The following ZNF692 variants were observed in gnomAD, a reference collection of about 807,000 sequenced individuals.
ZNF692 encodes AICAR responsive element binding protein.
In ZNF692, 41 loss-of-function variants were observed where a neutral mutation model predicts 49.0. The ratio of observed to expected loss-of-function variants is 0.84; its 90% CI spans 0.65 to 1.08. The LOEUF (loss-of-function observed/expected upper bound fraction) is 1.08, where lower values mean the gene tolerates loss of function less well. ZNF692 is among the 50% of genes least tolerant of loss of function. The pLI, the probability that ZNF692 is intolerant of heterozygous loss-of-function variation, is 0.00. For synonymous variants in ZNF692, 288 were observed against 251.5 expected (o/e 1.15, Z -1.37); for missense variants, 662 against 662.2 (o/e 1.00, Z 0.00).
chr1:248,856,551 C>T lies in ZNF692; in HGVS notation c.487G>A (p.Glu163Lys). The part of the protein sequence containing the change: ...SGQELADLES[E>K]HDERTQEARL... ...GCCTCTTGAGTCCTCTCATCATGCTCAGATTCCAAATCTGTGGGACAGGCA... is the reference window on the plus strand; with the variant it reads ...GCCTCTTGAGTCCTCTCATCATGCTTAGATTCCAAATCTGTGGGACAGGCA... Residue 163 changes from glutamate (E) to lysine (K), a missense_variant, in exon 5 of 12, where the codon GAG becomes AAG. Glu to Lys is a moderately conservative substitution (Grantham distance 56, BLOSUM62 1). Transcript: ENST00000306601. The T allele has an allele frequency of 1.2e-6, 2 of 1,614,176 alleles. No homozygotes were observed. Among genetic ancestry groups the T allele is most frequent in the Non-Finnish European group, 1.7e-6 (2 of 1,180,042 alleles).
chr1:248,857,721 C>T, intron 3 of ZNF692, 107 bp downstream of exon 3: 1 of 1,524,494 alleles, frequency 6.6e-7, no homozygotes, highest in Non-Finnish European at 8.8e-7. Flanking sequence ...CAACTCACCC[C>T]ACCCTTCCCA....
chr1:248,853,377 CACTT>C (rs1417685181), intron 10 of ZNF692, among the ~76,000 whole-genome samples: 3 of 152,358 alleles, frequency 2.0e-5, no homozygotes, highest in African/African-American at 4.8e-5. Flanking sequence ...GCACCCATCT[CACTT>C]AAAGCAGATG....
At position 248,858,488 on chromosome 1, in the gene ZNF692, C is replaced by G. The variant is rs778951254; in HGVS notation, c.-12-167G>C. ...AGCCAAACCCCGTCCTTCTATGATA[C>G]AGGGTGTTGAAGCTCAGCGCTACCA... On this transcript the variant is annotated intron_variant, in intron 1 of 11. Transcript: ENST00000306601. This position sits in a 1 kb window ranked among gnomAD's most constrained non-coding sequence, Gnocchi z 4.3. 3.9e-6 allele frequency: 6 copies of G among 1,551,724 alleles called. No homozygotes were observed. The South Asian group carries it at 7.1e-5, about 18-fold the overall frequency.
intron 5 of ZNF692, 39 bp from the exon 6 acceptor site, chr1:248,856,461 C>T: frequency 2.5e-6 from 4 of 1,614,246 alleles, no homozygotes; most frequent in Non-Finnish European, 3.4e-6. Flanking sequence ...GTCCTGCTCC[C>T]TCATCCTCCC....
chr1:248,857,425 C>T lies in ZNF692; in HGVS notation c.284G>A (p.Ser95Asn), dbSNP rs747637311. 6.2e-7 allele frequency: 1 copy of T among 1,614,152 alleles called. No homozygotes were observed. The highest frequency in any genetic ancestry group is 2.2e-5 in the East Asian group (1 of 44,870). The change falls in exon 4 of 12, where the codon AGC (serine) becomes AAC (asparagine). Residue 95 changes from serine (S) to asparagine (N), a missense_variant. Ser to Asn is a conservative substitution (Grantham distance 46). Transcript: ENST00000306601. ...LLSHAHSREC[S>N]LVPGLRGPGG... ...AGGCCCCCGAAGCCCGGGCACCAGG[C>T]TGCACTCTCGGCTGTGGGCATGAGA...
chr1:248,856,565 G>T lies in ZNF692; in HGVS notation c.476-3C>A, dbSNP rs1347515232. 1 of 1,614,130 alleles carries T rather than the reference G, an allele frequency of 6.2e-7. No homozygotes were observed. Among genetic ancestry groups the T allele is most frequent in the Non-Finnish European group, 8.5e-7 (1 of 1,180,038 alleles). On this transcript the variant is annotated splice_polypyrimidine_tract_variant and splice_region_variant and intron_variant, in intron 4 of 11. Coordinates refer to ENST00000306601, the MANE Select transcript of ZNF692 (RefSeq NM_017865.4). ...CTCATCATGCTCAGATTCCAAATCT[G>T]TGGGACAGGCAAAGTCAAAAGAGAA...
In ZNF692 at chr1:248,852,113, CTT is replaced by C. The variant is rs531075956; in HGVS notation, c.1154-1334_1154-1333del. On this transcript the variant is annotated intron_variant, in intron 10 of 11. Transcript: ENST00000306601. ...GGGCAAAATCTGCCTCTTGGCCACTCTTTTCATCTAAAACCACAAGTCTTAAG... is the reference window on the plus strand; with the variant it reads ...GGGCAAAATCTGCCTCTTGGCCACTCTTCATCTAAAACCACAAGTCTTAAG... Among the ~76,000 whole-genome samples the C allele has an allele frequency of 1.8e-4, 28 of 152,346 alleles. No individual in the cohort carries two copies. The South Asian group carries it at 5.6e-3, about 30-fold the overall frequency.
rs1247479752 is a variant in ZNF692 at position 248,855,765 on chromosome 1, T to C, written c.841A>G (p.Arg281Gly). Residue 281 changes from arginine to glycine, a missense_variant, in exon 7 of 12, where the codon AGG (arginine) becomes GGG (glycine). By Grantham distance (125) the Arg-to-Gly change is moderately radical. Coordinates refer to ENST00000306601, the MANE Select transcript of ZNF692 (RefSeq NM_017865.4). ...GTCTGCTGGGCCGCTTGAGGGGTCCTGCTGAGCTGTGGCTGCACCCTGACT... is the reference window on the plus strand; with the variant it reads ...GTCTGCTGGGCCGCTTGAGGGGTCCCGCTGAGCTGTGGCTGCACCCTGACT... ...AEVRVQPQLS[R>G]TPQAAQQTEA... 6.2e-7 allele frequency: 1 copy of C among 1,614,108 alleles called. No homozygotes were observed. The highest frequency in any genetic ancestry group is 2.2e-5 in the East Asian group (1 of 44,900).
intron 6 of ZNF692, 152 bp from the exon 7 acceptor site, chr1:248,856,098 A>G: frequency 1.7e-6 from 2 of 1,200,144 alleles, no homozygotes; most frequent in Non-Finnish European, 2.3e-6. Context: ...TTCAGCCCTC[A>G]ATCTCCCTGC....
chr1:248,852,069 C>G (rs1487541031), intron 10 of ZNF692, among the ~76,000 whole-genome samples: 1 of 152,228 alleles, frequency 6.6e-6, no homozygotes, highest in South Asian at 2.1e-4. Flanking sequence ...TGTTCCGGGC[C>G]TGCACATGTG....
At position 248,858,814 on chromosome 1, in the gene ZNF692, G is replaced by C. The variant is rs1043762645; in HGVS notation, c.-13+104C>G. 10 of 567,822 alleles carry C rather than the reference G, an allele frequency of 1.8e-5. No individual in the cohort carries two copies. Among genetic ancestry groups the C allele is most frequent in the African/African-American group, 1.3e-4 (7 of 53,106 alleles). 35.2% of individuals were successfully genotyped at this position (567,822 alleles called of 1,614,324 possible). A position where few individuals can be genotyped will look rare whatever the true frequency, so the allele number is the denominator to read the frequency against. On this transcript the variant is annotated intron_variant, in intron 1 of 11. Transcript: ENST00000306601. This position sits in a 1 kb window ranked among gnomAD's most constrained non-coding sequence, Gnocchi z 4.3. Reference sequence around the variant, plus strand: ...GCGCCCCCCATCCACCCCGTCTTGGGCACCCCCACTTAATGCTGACAGTGA... The same window carrying C: ...GCGCCCCCCATCCACCCCGTCTTGGCCACCCCCACTTAATGCTGACAGTGA...
At chr1:248,850,985 G>A in intron 10 of ZNF692, 1 of 694,216 alleles carries the variant, frequency 1.4e-6, no homozygotes. Flanking sequence ...TACGAACCCA[G>A]CTAAAAGACT....
At position 248,850,092 on chromosome 1, in the gene ZNF692, C is replaced by G; in HGVS notation, c.*118G>C. On this transcript the variant is annotated 3_prime_UTR_variant, in exon 12 of 12. Coordinates refer to ENST00000306601, the MANE Select transcript of ZNF692 (RefSeq NM_017865.4). ...AGCCCAGTCTTGCCCCCACCCTGCA[C>G]TCTGTCGCCTTAGTTCCTGGGGACC... 2 of 1,195,182 alleles carry G rather than the reference C, an allele frequency of 1.7e-6. No homozygotes were observed. The allele number at this position is 1,195,182 out of a possible 1,614,324, so 74.0% of individuals were successfully genotyped here.
At chr1:248,856,973 T>C (rs1660312279) in intron 4 of ZNF692, among the ~76,000 whole-genome samples, 1 of 152,208 alleles carries the variant, frequency 6.6e-6, no homozygotes, top group African/African-American at 2.4e-5. Flanking sequence ...TCCAGAGATA[T>C]GTCATACATT....
intron 10 of ZNF692, among the ~76,000 whole-genome samples, chr1:248,852,550 A>G (rs547614316): frequency 6.6e-6 from 1 of 152,192 alleles, no homozygotes; most frequent in East Asian, 1.9e-4. Context: ...TTCTCTGCCT[A>G]TCTTCACAGC....
intron 9 of ZNF692, chr1:248,854,606 C>T (rs1660016090): frequency 2.0e-5 from 2 of 98,414 alleles, no homozygotes; most frequent in Admixed American, 1.0e-4. Context: ...GTAACAGGCT[C>T]TTCAACCTTA....
At chr1:248,854,743 TG>T (rs1660033130) in intron 9 of ZNF692, among the ~76,000 whole-genome samples, 1 of 152,208 alleles carries the variant, frequency 6.6e-6, no homozygotes. Flanking sequence ...GGGGCTGCTT[TG>T]ATCTTCTCCA....
At chr1:248,856,039 A>T in intron 6 of ZNF692, 93 bp from the exon 7 acceptor site, 1 of 1,366,538 alleles carries the variant, frequency 7.3e-7, no homozygotes, top group Non-Finnish European at 1.0e-6. Flanking sequence ...AAAGATCTCA[A>T]ACTTGAAACA....
chr1:248,855,962 A>G lies in ZNF692; in HGVS notation c.660-16T>C. The G allele has an allele frequency of 1.2e-6, 2 of 1,611,898 alleles. No homozygotes were observed. Among genetic ancestry groups the G allele is most frequent in the South Asian group, 2.2e-5 (2 of 90,930 alleles). ...AGGCTCACTACTGAAAGGAGAACAA[A>G]GAGGAAGATGGCATTAACTTTCTGG... is the stretch of plus-strand genomic sequence containing the variant. On this transcript the variant is annotated splice_polypyrimidine_tract_variant and intron_variant, in intron 6 of 11. Coordinates refer to ENST00000306601, the MANE Select transcript of ZNF692 (RefSeq NM_017865.4).
Sources: gnomAD v4.1 joint callset for allele counts (sites outside exome capture counted in the v4.1 genomes callset) on GRCh38, gnomAD v4.1.1 for gene constraint, Gnocchi (gnomAD v3.1) non-coding constraint, MANE v1.5 for transcripts, NCBI Gene and HGNC (gene_info 2026-07-23, HGNC 2026-07-21) for gene names.